The following GUCY1A2 variants were observed in gnomAD, a reference collection of about 807,000 sequenced individuals.
GUCY1A2 encodes the protein guanylate cyclase soluble subunit alpha-2.
GUCY1A2 carries 27 observed loss-of-function variants against 63.5 expected under a neutral mutation model. The ratio of observed to expected loss-of-function variants is 0.43; its 90% CI spans 0.31 to 0.59. The LOEUF (loss-of-function observed/expected upper bound fraction) is 0.59. Ranked by LOEUF, GUCY1A2 falls within the 20% of genes least tolerant of loss-of-function variation. GUCY1A2 has a pLI of 0.11. For missense variants in GUCY1A2, 768 were observed against 913.3 expected, an observed-to-expected ratio of 0.84 and a Z score of 2.05; for synonymous variants, 364 against 343.5, an observed-to-expected ratio of 1.06 and a Z score of -0.66.
intron 7 of GUCY1A2, among the ~76,000 whole-genome samples, chr11:106,706,874 T>G (rs1050318837): frequency 6.6e-6 from 1 of 152,132 alleles, no homozygotes; most frequent in African/African-American, 2.4e-5. Flanking sequence ...AAAATTCAAT[T>G]TGCCATGGTA....
At position 106,958,662 on chromosome 11, in the gene GUCY1A2, G is replaced by A. The variant is rs192371665; in HGVS notation, c.488-18484C>T. Among the ~76,000 whole-genome samples, 417 of 151,198 alleles carry A rather than the reference G, an allele frequency of 2.8e-3. 3 individuals are homozygous for A. The highest frequency in any genetic ancestry group is 6.9e-3 in the Middle Eastern group (2 of 288). On this transcript the variant is annotated intron_variant, in intron 3 of 7. Coordinates refer to ENST00000526355, the MANE Select transcript of GUCY1A2 (RefSeq NM_000855.3). ...AACACACACACAGTATGTATGATTT[G>A]GAAGGATACTACGAGTTATGCTTTG...
At chr11:106,892,862 A>G (rs10749883) in intron 4 of GUCY1A2, among the ~76,000 whole-genome samples, 87,800 of 151,984 alleles carry the variant, frequency 0.58, 25,736 homozygotes, top group Admixed American at 0.64. Context: ...TACATACAAG[A>G]GAATTCTTAA....
At chr11:106,767,798 T>A (rs1864189054) in intron 6 of GUCY1A2, among the ~76,000 whole-genome samples, 1 of 152,056 alleles carries the variant, frequency 6.6e-6, no homozygotes, top group African/African-American at 2.4e-5. Context: ...AGTAAGTAGA[T>A]CTGTCTATAA....
intron 4 of GUCY1A2, among the ~76,000 whole-genome samples, chr11:106,879,952 G>C (rs1483972285): frequency 1.3e-5 from 2 of 152,000 alleles, no homozygotes; most frequent in Non-Finnish European, 2.9e-5. Context: ...ATATTGTATG[G>C]CAGATGCACC....
At chr11:106,771,215 T>C (rs928936229) in intron 6 of GUCY1A2, among the ~76,000 whole-genome samples, 2 of 152,104 alleles carry the variant, frequency 1.3e-5, no homozygotes, top group Non-Finnish European at 2.9e-5. Flanking sequence ...ACAGTGTTTT[T>C]TAAAGAAAGA....
At chr11:106,768,959 A>T (rs568599404) in intron 6 of GUCY1A2, among the ~76,000 whole-genome samples, 2 of 152,238 alleles carry the variant, frequency 1.3e-5, no homozygotes, top group South Asian at 4.1e-4. Context: ...CAAAACATAG[A>T]GGTGAACCAG....
At chr11:106,713,438 T>A (rs957458932) in intron 6 of GUCY1A2, among the ~76,000 whole-genome samples, 6 of 150,050 alleles carry the variant, frequency 4.0e-5, no homozygotes, top group Non-Finnish European at 3.0e-5. Flanking sequence ...TTAAACAAAC[T>A]AAGTGTAAAG....
chr11:106,800,126 C>G (rs1864846711), intron 5 of GUCY1A2, among the ~76,000 whole-genome samples: 2 of 152,144 alleles, frequency 1.3e-5, no homozygotes. Context: ...AGCCAACAGA[C>G]ACATGAAAAA....
intron 3 of GUCY1A2, among the ~76,000 whole-genome samples, chr11:106,946,928 G>A (rs1035600935): frequency 6.6e-6 from 1 of 152,028 alleles, no homozygotes; most frequent in African/African-American, 2.4e-5. Context: ...AATTAAGAAT[G>A]AAAGAAGAGG....
intron 4 of GUCY1A2, among the ~76,000 whole-genome samples, chr11:106,897,929 T>C (rs1380864628): frequency 6.6e-6 from 1 of 152,142 alleles, no homozygotes; most frequent in East Asian, 1.9e-4. Flanking sequence ...AGCCACAGAC[T>C]GGGAGAAAAT....
chr11:106,737,699 T>C (rs1276412598), intron 6 of GUCY1A2, among the ~76,000 whole-genome samples: 1 of 152,156 alleles, frequency 6.6e-6, no homozygotes, highest in Non-Finnish European at 1.5e-5. Flanking sequence ...GTTTCCAGCT[T>C]CATCCATGTC....
At chr11:106,718,205 G>A (rs931688360) in intron 6 of GUCY1A2, among the ~76,000 whole-genome samples, 1 of 152,094 alleles carries the variant, frequency 6.6e-6, no homozygotes, top group Non-Finnish European at 1.5e-5. Context: ...GAAAGTATTT[G>A]ACCAAATAAT....
chr11:106,760,851 GAGAGGCTCTC>G (rs1276661415), intron 6 of GUCY1A2, among the ~76,000 whole-genome samples: 4 of 152,120 alleles, frequency 2.6e-5, no homozygotes, highest in Non-Finnish European at 5.9e-5. Context: ...TATGAATAAT[GAGAGGCTCTC>G]ACAGAAGGAA....
intron 6 of GUCY1A2, among the ~76,000 whole-genome samples, chr11:106,768,131 C>A (rs934239292): frequency 1.3e-5 from 2 of 152,024 alleles, no homozygotes; most frequent in Non-Finnish European, 2.9e-5. Flanking sequence ...TTTCACATAA[C>A]TGAATTTAAT....
At chr11:106,896,817 T>C (rs539399140) in intron 4 of GUCY1A2, among the ~76,000 whole-genome samples, 7 of 152,318 alleles carry the variant, frequency 4.6e-5, no homozygotes. Flanking sequence ...GAGAAATAAA[T>C]TTCTGTTCTT....
At chr11:106,977,304 TA>T (rs2120114597) in intron 3 of GUCY1A2, among the ~76,000 whole-genome samples, 1 of 152,260 alleles carries the variant, frequency 6.6e-6, no homozygotes, top group South Asian at 2.1e-4. Flanking sequence ...AACTCTTGGG[TA>T]ATGTCTCTTT....
intron 1 of GUCY1A2, among the ~76,000 whole-genome samples, chr11:107,007,105 A>G (rs915672584): frequency 1.1e-3 from 160 of 151,348 alleles, no homozygotes; most frequent in African/African-American, 3.8e-3. Context: ...CAGTATACCA[A>G]CTACTCATTG....
chr11:106,747,778 G>A (rs1863815223), intron 6 of GUCY1A2, among the ~76,000 whole-genome samples: 1 of 152,180 alleles, frequency 6.6e-6, no homozygotes, highest in Admixed American at 6.5e-5. Flanking sequence ...GGGTGGGATG[G>A]GGAGGTCGGG....
At chr11:106,992,484 C>T (rs1231192951) in intron 1 of GUCY1A2, among the ~76,000 whole-genome samples, 1 of 151,962 alleles carries the variant, frequency 6.6e-6, no homozygotes, top group Non-Finnish European at 1.5e-5. Flanking sequence ...CACCCGCCTC[C>T]ATGCCCGGCT....
Sources: gnomAD v4.1 joint callset for allele counts (sites outside exome capture counted in the v4.1 genomes callset) on GRCh38, gnomAD v4.1.1 for gene constraint, MANE v1.5 for transcripts, NCBI Gene and HGNC (gene_info 2026-07-23, HGNC 2026-07-21) for gene names.